The following ABLIM2 variants were observed in gnomAD, a reference collection of about 807,000 sequenced individuals.
The protein encoded by ABLIM2 is actin binding LIM protein family member 2.
Under a neutral mutation model 97.7 loss-of-function variants are expected in ABLIM2, and 53 were observed. The ratio of observed to expected loss-of-function variants is 0.54; its 90% CI spans 0.44 to 0.68. ABLIM2 has a LOEUF of 0.68. Among genes scored for constraint, ABLIM2 ranks in the 30% least tolerant of loss-of-function variants. The pLI is 0.00. For synonymous variants in ABLIM2, 361 were observed against 345.8 expected, an observed-to-expected ratio of 1.04 and a Z score of -0.49; for missense variants, 835 against 867.2, an observed-to-expected ratio of 0.96 and a Z score of 0.47.
At chr4:8,028,219 C>T (rs906602075) in intron 11 of ABLIM2, among the ~76,000 whole-genome samples, 3 of 152,176 alleles carry the variant, frequency 2.0e-5, no homozygotes, top group African/African-American at 4.8e-5. Flanking sequence ...ACATCGTCAC[C>T]GGACTCGTCC....
At chr4:8,057,354 G>A (rs897486990) in intron 7 of ABLIM2, among the ~76,000 whole-genome samples, 2 of 152,102 alleles carry the variant, frequency 1.3e-5, no homozygotes, top group African/African-American at 4.8e-5. Flanking sequence ...CCAAAGTGCT[G>A]GAATTACAGG....
At chr4:8,098,836 A>G (rs4305501) in intron 2 of ABLIM2, among the ~76,000 whole-genome samples, 28,461 of 152,124 alleles carry the variant, frequency 0.19, 5,599 homozygotes, top group African/African-American at 0.48. Flanking sequence ...CTCAGTGTCG[A>G]GGCCCTGGCT....
chr4:7,992,903 G>C lies in ABLIM2; in HGVS notation c.1643C>G (p.Pro548Arg), dbSNP rs763457214. ...GCCATTCTTTCCATGTCCTGGGAGA[G>C]GGTCAGATTTGGAATAGGGGAATCC... ...HSRFPYSKSD[P>R]LPGHGKNGLD... is the part of the protein sequence containing the mutation. The change falls in exon 17 of 21, where the codon CCT (proline) becomes CGT (arginine). Residue 548 changes from proline to arginine, a missense_variant. Transcript: ENST00000447017. The surrounding 1 kb of genome is among the most constrained non-coding windows in gnomAD (Gnocchi z 5.7). The C allele has an allele frequency of 8.7e-6, 14 of 1,613,206 alleles. No individual in the cohort carries two copies. The East Asian group carries it at 1.8e-4, about 21-fold the overall frequency.
intron 20 of ABLIM2, among the ~76,000 whole-genome samples, chr4:7,978,110 G>A (rs895204296): frequency 4.6e-5 from 7 of 152,098 alleles, no homozygotes; most frequent in South Asian, 2.1e-4. Context: ...TAAAAATAAA[G>A]CTCTTTCCTC....
Position 8,032,214 on chromosome 4 carries a change from AAAC to A in ABLIM2, c.1048-2441_1048-2439del, listed in dbSNP as rs931210073. ...TTTGAGAAACAGAAAAAAAAAAAAA[AAAC>A]TAGACCACTAACAGTAAAAGCTCTT... On this transcript the variant is annotated intron_variant, in intron 10 of 20. Transcript: ENST00000447017. The surrounding 1 kb of genome is among the most constrained non-coding windows in gnomAD (Gnocchi z 4.3). 1.3e-5 allele frequency among the ~76,000 whole-genome samples: 2 copies of A among 150,068 alleles called. No homozygotes were observed. The highest frequency in any genetic ancestry group is 4.9e-5 in the African/African-American group (2 of 40,620).
chr4:8,006,665 G>A (rs1371278772), intron 16 of ABLIM2, among the ~76,000 whole-genome samples: 2 of 152,216 alleles, frequency 1.3e-5, no homozygotes, highest in Non-Finnish European at 2.9e-5. Flanking sequence ...TGGCCCGTGG[G>A]CAGGTGCTAC....
intron 14 of ABLIM2, chr4:8,010,806 CCAG>C (rs1177827207): frequency 6.3e-6 from 1 of 159,480 alleles, no homozygotes; most frequent in East Asian, 1.9e-4. Flanking sequence ...CTCCTGTTGC[CCAG>C]ACAACAGCCG....
rs1198339011 is a variant in ABLIM2, at chr4:7,995,144, T to C, written c.1619-2217A>G. On this transcript the variant is annotated intron_variant, in intron 16 of 20. Transcript: ENST00000447017. ...CTATGAGATATCATCTCACACCAGT[T>C]AGAATGGCAATCATTAAAAAGTCAG... 3.6e-5 allele frequency among the ~76,000 whole-genome samples: 2 copies of C among 56,278 alleles called. 1 individual carries two copies. The highest frequency in any genetic ancestry group is 1.2e-4 in the Non-Finnish European group (2 of 16,340). The allele number at this position is 56,278 out of a possible 152,430, so 36.9% of individuals were successfully genotyped here.
At position 7,984,519 on chromosome 4, in the gene ABLIM2, C is replaced by G. The variant is rs190660670; in HGVS notation, c.1735+320G>C. Among the ~76,000 whole-genome samples, 441 of 152,358 alleles carry G rather than the reference C, an allele frequency of 2.9e-3. 2 individuals are homozygous for G. The highest frequency in any genetic ancestry group is 5.0e-3 in the Non-Finnish European group (339 of 68,030). Reference sequence around the variant, plus strand: ...GCGCAGGCAGGGTTTGGCCCAGCGCCGTCCCGCTCAGACCCTGGAAGCCTT... The same window carrying G: ...GCGCAGGCAGGGTTTGGCCCAGCGCGGTCCCGCTCAGACCCTGGAAGCCTT... On this transcript the variant is annotated intron_variant, in intron 18 of 20. Coordinates refer to ENST00000447017, the MANE Select transcript of ABLIM2 (RefSeq NM_001130083.2).
chr4:8,143,368 G>A (rs1851323119), intron 1 of ABLIM2, among the ~76,000 whole-genome samples: 1 of 152,168 alleles, frequency 6.6e-6, no homozygotes, highest in African/African-American at 2.4e-5. Flanking sequence ...CAGGTGCTAT[G>A]GGAGGTACCG....
At chr4:8,031,182 C>G (rs1780700579) in intron 10 of ABLIM2, among the ~76,000 whole-genome samples, 1 of 152,218 alleles carries the variant, frequency 6.6e-6, no homozygotes, top group South Asian at 2.1e-4. Flanking sequence ...CCTGTGACCA[C>G]CTCTGGACCA....
chr4:8,086,536 C>T (rs1158898430), intron 4 of ABLIM2, among the ~76,000 whole-genome samples: 1 of 152,004 alleles, frequency 6.6e-6, no homozygotes, highest in East Asian at 1.9e-4. Flanking sequence ...TTATTAGAGA[C>T]AGGGCCTCAC....
chr4:8,127,583 G>A lies in ABLIM2; in HGVS notation c.11-20946C>T, dbSNP rs1441704090. On this transcript the variant is annotated intron_variant, in intron 1 of 20. Coordinates refer to ENST00000447017, the MANE Select transcript of ABLIM2 (RefSeq NM_001130083.2). The surrounding 1 kb of genome is among the most constrained non-coding windows in gnomAD (Gnocchi z 7.3). ...CCTGGCACCCCCATGGAGCGTGGCT[G>A]CTTGCAAAGGGCCAGCGGGTCGGCG... The A allele has an allele frequency of 6.2e-6, 8 of 1,289,690 alleles. No individual in the cohort carries two copies. Among genetic ancestry groups the A allele is most frequent in the Admixed American group, 2.3e-5 (1 of 43,544 alleles). 79.9% of individuals were successfully genotyped at this position (1,289,690 alleles called of 1,614,324 possible).
Position 8,089,494 on chromosome 4 carries a change from G to T in ABLIM2, c.339-1210C>A, listed in dbSNP as rs575957029. ...TCACACTTGTAATCCCAGCACTTTG[G>T]GAGGCTGAGGTGGGAGGATCACTTG... is the stretch of plus-strand genomic sequence containing the variant. On this transcript the variant is annotated intron_variant, in intron 3 of 20. Coordinates refer to ENST00000447017, the MANE Select transcript of ABLIM2 (RefSeq NM_001130083.2). 5.9e-5 allele frequency among the ~76,000 whole-genome samples: 9 copies of T among 152,166 alleles called. No individual in the cohort carries two copies. The South Asian group carries it at 1.9e-3, about 32-fold the overall frequency.
rs192662208 is a variant in ABLIM2 at position 7,980,910 on chromosome 4, G to C, written c.1824+2354C>G. On this transcript the variant is annotated intron_variant, in intron 20 of 20. Transcript: ENST00000447017. ...AGGCCACCTATGAGACTTCATCTAC[G>C]TAATAAGAACCATGGTCTCCACAAC... Among the ~76,000 whole-genome samples, 1,185 of 142,684 alleles carry C rather than the reference G, an allele frequency of 8.3e-3. 10 individuals carry two copies. Among genetic ancestry groups the C allele is most frequent in the Non-Finnish European group, 0.013 (835 of 66,496 alleles). The allele number at this position is 142,684 out of a possible 152,430, so 93.6% of individuals were successfully genotyped here.
intron 8 of ABLIM2, among the ~76,000 whole-genome samples, chr4:8,045,907 C>T (rs1792070400): frequency 6.6e-6 from 1 of 152,136 alleles, no homozygotes; most frequent in Non-Finnish European, 1.5e-5. Context: ...ACGGGACCAT[C>T]TTGGTCACCC....
Position 8,155,204 on chromosome 4 carries a change from C to T in ABLIM2, c.10+3476G>A, listed in dbSNP as rs898991107. Among the ~76,000 whole-genome samples, 3 of 152,220 alleles carry T rather than the reference C, an allele frequency of 2.0e-5. No individual in the cohort carries two copies. Among genetic ancestry groups the T allele is most frequent in the African/African-American group, 7.2e-5 (3 of 41,450 alleles). ...ATGGAACAGATGGCTCATATTCCAT[C>T]ACTGGCTTCCACGGTTTGGTGGTTT... On this transcript the variant is annotated intron_variant, in intron 1 of 20. Coordinates refer to ENST00000447017, the MANE Select transcript of ABLIM2 (RefSeq NM_001130083.2). This position sits in a 1 kb window ranked among gnomAD's most constrained non-coding sequence, Gnocchi z 4.2.
In ABLIM2 at chr4:8,150,865, A is replaced by G. The variant is rs1712440623; in HGVS notation, c.10+7815T>C. ...CAGAGAAGGGGAGGGGAAGCTATGA[A>G]CCCAGCCTAGGGTGTGGCTGATGAT... On this transcript the variant is annotated intron_variant, in intron 1 of 20. Coordinates refer to ENST00000447017, the MANE Select transcript of ABLIM2 (RefSeq NM_001130083.2). The surrounding 1 kb of genome is among the most constrained non-coding windows in gnomAD (Gnocchi z 6.3). Among the ~76,000 whole-genome samples the G allele has an allele frequency of 1.3e-5, 2 of 152,016 alleles. No individual in the cohort carries two copies. The highest frequency in any genetic ancestry group is 1.3e-4 in the Admixed American group (2 of 15,232).
chr4:8,078,930 T>C (rs1207317464), intron 5 of ABLIM2, among the ~76,000 whole-genome samples: 2 of 152,172 alleles, frequency 1.3e-5, no homozygotes, highest in East Asian at 1.9e-4. Context: ...GAAGTTGCTG[T>C]AGTGTTCCAA....
Sources: gnomAD v4.1 joint callset for allele counts (sites outside exome capture counted in the v4.1 genomes callset) on GRCh38, gnomAD v4.1.1 for gene constraint, Gnocchi (gnomAD v3.1) non-coding constraint, MANE v1.5 for transcripts, NCBI Gene and HGNC (gene_info 2026-07-23, HGNC 2026-07-21) for gene names.